The following ADAM12 variants were observed in gnomAD, a reference collection of about 807,000 sequenced individuals.
ADAM12 encodes disintegrin and metalloproteinase domain-containing protein 12.
ADAM12 carries 70 observed loss-of-function variants against 106.4 expected under a neutral mutation model. The ratio of observed to expected loss-of-function variants is 0.66; its 90% CI spans 0.54 to 0.80. ADAM12 has a LOEUF of 0.80. ADAM12 is among the 30% of genes least tolerant of loss of function. The pLI, the probability that ADAM12 is intolerant of heterozygous loss-of-function variation, is 0.00. For missense variants in ADAM12, 1,010 were observed against 1,171.9 expected (o/e 0.86, Z 2.02); for synonymous variants, 420 against 433.5 (o/e 0.97, Z 0.39).
At chr10:126,022,078 T>TA in intron 21 of ADAM12, among the ~76,000 whole-genome samples, 1 of 152,358 alleles carries the variant, frequency 6.6e-6, no homozygotes, top group Non-Finnish European at 1.5e-5. Context: ...GTCAGGTTTT[T>TA]ATTGCAATGC....
intron 3 of ADAM12, among the ~76,000 whole-genome samples, chr10:126,251,534 TA>T: frequency 3.1e-5 from 1 of 31,900 alleles, no homozygotes; most frequent in African/African-American, 5.0e-5. Flanking sequence ...ACAGGATGGA[TA>T]GATGGATGGA....
chr10:126,201,051 G>A (rs1957690483), intron 3 of ADAM12, among the ~76,000 whole-genome samples: 1 of 152,164 alleles, frequency 6.6e-6, no homozygotes, highest in East Asian at 1.9e-4. Flanking sequence ...AAAAGAGTAT[G>A]AGCATCAGGC....
chr10:126,365,240 G>A (rs778099552), intron 1 of ADAM12, among the ~76,000 whole-genome samples: 1 of 152,096 alleles, frequency 6.6e-6, no homozygotes, highest in Non-Finnish European at 1.5e-5. Context: ...TGCTTCCGGT[G>A]CCATCGTTTA....
chr10:126,025,429 G>A (rs1381952491), intron 21 of ADAM12, among the ~76,000 whole-genome samples: 2 of 151,392 alleles, frequency 1.3e-5, no homozygotes, highest in African/African-American at 4.9e-5. Context: ...ATGAAGCAGA[G>A]GAAAAAATCT....
intron 5 of ADAM12, among the ~76,000 whole-genome samples, chr10:126,126,426 G>C (rs1956207581): frequency 6.6e-6 from 1 of 152,070 alleles, no homozygotes; most frequent in Admixed American, 6.5e-5. Context: ...TACACACCCA[G>C]GGAATAGTTT....
intron 21 of ADAM12, 29 bp from the exon 22 acceptor site, chr10:126,019,854 C>A: frequency 6.3e-7 from 1 of 1,594,960 alleles, no homozygotes; most frequent in South Asian, 1.1e-5. Context: ...TAGGCAGGGT[C>A]ACTTACCAGG....
intron 5 of ADAM12, among the ~76,000 whole-genome samples, chr10:126,126,068 T>G (rs981351551): frequency 6.6e-6 from 1 of 152,194 alleles, no homozygotes; most frequent in South Asian, 2.1e-4. Flanking sequence ...TTCTGTTGTT[T>G]GAAGCCACCT....
At position 126,214,895 on chromosome 10, in the gene ADAM12, C is replaced by T. The variant is rs374209479; in HGVS notation, c.261-59590G>A. 1.3e-3 allele frequency among the ~76,000 whole-genome samples: 193 copies of T among 152,346 alleles called. 4 individuals are homozygous for T. In the South Asian group the frequency reaches 0.038, roughly 30 times the overall value. ...TGGATTAGGATGCCACTCGGCTGCT[C>T]GCCTCCCAGGCCTCCACGCCTCATC... is the stretch of plus-strand genomic sequence containing the variant. On this transcript the variant is annotated intron_variant, in intron 3 of 22. Transcript: ENST00000448723.
chr10:126,202,028 C>T (rs968972802), intron 3 of ADAM12, among the ~76,000 whole-genome samples: 3 of 152,222 alleles, frequency 2.0e-5, no homozygotes, highest in Admixed American at 6.5e-5. Context: ...GGGGCTGCAA[C>T]GCACAGGATG....
At chr10:126,121,698 G>A (rs1384909414) in intron 5 of ADAM12, among the ~76,000 whole-genome samples, 1 of 151,532 alleles carries the variant, frequency 6.6e-6, no homozygotes, top group Non-Finnish European at 1.5e-5. Flanking sequence ...ACTGTGTAAG[G>A]TGTTCCTATG....
chr10:126,385,622 G>C (rs1036710847), intron 1 of ADAM12, among the ~76,000 whole-genome samples: 2 of 151,940 alleles, frequency 1.3e-5, no homozygotes, highest in African/African-American at 4.8e-5. Flanking sequence ...GCAAAACAGT[G>C]AAAAGTATTT....
At chr10:126,119,461 T>A (rs543100443) in intron 5 of ADAM12, among the ~76,000 whole-genome samples, 1 of 152,262 alleles carries the variant, frequency 6.6e-6, no homozygotes, top group African/African-American at 2.4e-5. Context: ...ATTAGGCATC[T>A]GTTAACAGGT....
chr10:126,246,612 A>C (rs111902975), intron 3 of ADAM12, among the ~76,000 whole-genome samples: 9,525 of 152,336 alleles, frequency 0.063, 395 homozygotes, highest in Admixed American at 0.11. Flanking sequence ...TTCATCACAT[A>C]AACAGAACTG....
chr10:126,047,420 A>T (rs1954356860), intron 16 of ADAM12, among the ~76,000 whole-genome samples: 1 of 152,196 alleles, frequency 6.6e-6, no homozygotes, highest in Admixed American at 6.5e-5. Flanking sequence ...GATTACAGTG[A>T]ACACAGCAGG....
chr10:126,170,474 G>T (rs1242297369), intron 3 of ADAM12, among the ~76,000 whole-genome samples: 1 of 151,556 alleles, frequency 6.6e-6, no homozygotes, highest in African/African-American at 2.4e-5. Context: ...GTGAACCCAG[G>T]TGTACAGAGG....
At chr10:126,022,267 T>C (rs1953782419) in intron 21 of ADAM12, among the ~76,000 whole-genome samples, 1 of 152,330 alleles carries the variant, frequency 6.6e-6, no homozygotes. Flanking sequence ...AGATAAATTA[T>C]ATGGTCACCA....
chr10:126,349,156 A>AG (rs1302837698), intron 1 of ADAM12, among the ~76,000 whole-genome samples: 1 of 152,162 alleles, frequency 6.6e-6, no homozygotes, highest in African/African-American at 2.4e-5. Context: ...GACATATTTG[A>AG]GGGGGAAAAG....
chr10:126,063,525 G>A lies in ADAM12; in HGVS notation c.1609+1281C>T, dbSNP rs1157009435. Among the ~76,000 whole-genome samples, 3 of 152,142 alleles carry A rather than the reference G, an allele frequency of 2.0e-5. No homozygotes were observed. The South Asian group carries it at 6.2e-4, about 31-fold the overall frequency. The stretch of plus-strand genomic sequence containing the variant: ...AAAAGTCTGACAAAGGTCCTATCAG[G>A]TTTCCCTCCCGCTAGAGATCCTGCC... On this transcript the variant is annotated intron_variant, in intron 14 of 22. Coordinates refer to ENST00000448723, the MANE Select transcript of ADAM12 (RefSeq NM_001288973.2).
At chr10:126,214,622 C>T (rs1957955188) in intron 3 of ADAM12, among the ~76,000 whole-genome samples, 1 of 152,134 alleles carries the variant, frequency 6.6e-6, no homozygotes. Context: ...TGACAGTACC[C>T]TTTTGCAGTG....
Sources: allele counts gnomAD v4.1 joint callset (sites outside exome capture counted in the v4.1 genomes callset), GRCh38; gene constraint gnomAD v4.1.1; transcripts MANE v1.5; gene names NCBI Gene and HGNC (gene_info 2026-07-23, HGNC 2026-07-21).